SLC25A13: variants seen among roughly 807,000 people sequenced by gnomAD.
SLC25A13 encodes the protein electrogenic aspartate/glutamate antiporter SLC25A13, mitochondrial.
A neutral mutation model predicts 85.5 loss-of-function variants in SLC25A13; 70 were observed. The observed-to-expected ratio is 0.82, with a 90% CI of 0.68 to 1.00. The LOEUF is 1.00. Among genes scored for constraint, SLC25A13 ranks in the 50% least tolerant of loss-of-function variants. The probability of loss-of-function intolerance (pLI) is 0.00; values close to 1 mark genes in which losing one functional copy is unlikely to be tolerated. For missense variants in SLC25A13, 765 were observed against 819.8 expected (o/e 0.93, Z 0.82); for synonymous variants, 259 against 288.7 (o/e 0.90, Z 1.04).
intron 13 of SLC25A13, among the ~76,000 whole-genome samples, chr7:96,165,236 CA>C (rs1473169103): frequency 6.6e-6 from 1 of 152,046 alleles, no homozygotes; most frequent in African/African-American, 2.4e-5. Flanking sequence ...AGAACCATGG[CA>C]GCAGAAGAAG....
intron 5 of SLC25A13, among the ~76,000 whole-genome samples, chr7:96,203,208 C>T (rs937335510): frequency 6.6e-6 from 1 of 152,106 alleles, no homozygotes; most frequent in African/African-American, 2.4e-5. Flanking sequence ...CTAGTCCAGA[C>T]CAAAGTTTGC....
intron 1 of SLC25A13, among the ~76,000 whole-genome samples, chr7:96,299,462 A>AT (rs1799475206): frequency 1.3e-5 from 2 of 152,316 alleles, no homozygotes; most frequent in South Asian, 4.1e-4. Context: ...TACTGCCCTA[A>AT]TTTTACAGAA....
intron 2 of SLC25A13, among the ~76,000 whole-genome samples, chr7:96,288,669 T>C (rs1798990269): frequency 1.3e-5 from 2 of 152,156 alleles, no homozygotes; most frequent in South Asian, 2.1e-4. Flanking sequence ...GCCTCGCTCA[T>C]TGCTAGCAAA....
intron 2 of SLC25A13, among the ~76,000 whole-genome samples, chr7:96,280,473 T>C (rs537590162): frequency 6.6e-6 from 1 of 152,250 alleles, no homozygotes; most frequent in African/African-American, 2.4e-5. Flanking sequence ...CCCAGCACTT[T>C]GGGAAGCCAA....
intron 2 of SLC25A13, among the ~76,000 whole-genome samples, chr7:96,292,126 T>C (rs1459010152): frequency 6.6e-6 from 1 of 152,164 alleles, no homozygotes; most frequent in Non-Finnish European, 1.5e-5. Flanking sequence ...TGGTTCAACA[T>C]ACGCAAATCA....
chr7:96,262,770 C>G (rs1797906104), intron 3 of SLC25A13, among the ~76,000 whole-genome samples: 1 of 152,118 alleles, frequency 6.6e-6, no homozygotes, highest in South Asian at 2.1e-4. Context: ...CATGGTAGAG[C>G]AGATTGAGCA....
chr7:96,240,884 C>T (rs543456279), intron 3 of SLC25A13, among the ~76,000 whole-genome samples: 1 of 146,936 alleles, frequency 6.8e-6, no homozygotes, highest in East Asian at 2.0e-4. Flanking sequence ...TTTAATCTGA[C>T]AGAGGAGTGT....
chr7:96,226,390 A>T (rs151047560), intron 4 of SLC25A13, among the ~76,000 whole-genome samples: 439 of 152,252 alleles, frequency 2.9e-3, no homozygotes, highest in African/African-American at 9.8e-3. Context: ...TTCTTTACCC[A>T]TTCAGCTGTG....
intron 5 of SLC25A13, among the ~76,000 whole-genome samples, chr7:96,207,776 T>C (rs1251207766): frequency 2.0e-5 from 3 of 152,234 alleles, no homozygotes; most frequent in African/African-American, 4.8e-5. Flanking sequence ...AGTGGCCCAA[T>C]GATATGATCA....
rs1258837218 is a variant in SLC25A13 at position 96,120,660 on chromosome 7, A to G, written c.*531T>C. On this transcript the variant is annotated 3_prime_UTR_variant, in exon 18 of 18. Transcript: ENST00000265631. ...ATTACAAAGAAACATGTTTCACATA[A>G]AAGCTTCATAATATAATCCAGAGAC... 2.2e-6 allele frequency: 1 copy of G among 454,556 alleles called. No individual in the cohort carries two copies. Among genetic ancestry groups the G allele is most frequent in the East Asian group, 6.9e-5 (1 of 14,398 alleles). The allele number at this position is 454,556 out of a possible 1,614,324, so 28.2% of individuals were successfully genotyped here. A position where few individuals can be genotyped will look rare whatever the true frequency, so the allele number is the denominator to read the frequency against.
intron 14 of SLC25A13, 115 bp from the exon 15 acceptor site, chr7:96,131,996 C>T (rs1792053935): frequency 7.7e-7 from 1 of 1,304,740 alleles, no homozygotes; most frequent in Non-Finnish European, 1.1e-6. Context: ...CAAATTTGTA[C>T]TCACACATTG....
intron 3 of SLC25A13, among the ~76,000 whole-genome samples, chr7:96,242,338 T>C (rs1797028200): frequency 6.6e-6 from 1 of 152,220 alleles, no homozygotes; most frequent in East Asian, 1.9e-4. Context: ...TTTTAACATC[T>C]TTTAATAGCT....
At chr7:96,206,820 GGCCCA>G (rs1183786014) in intron 5 of SLC25A13, among the ~76,000 whole-genome samples, 1 of 152,182 alleles carries the variant, frequency 6.6e-6, no homozygotes, top group Non-Finnish European at 1.5e-5. Flanking sequence ...TCTGGAGGAA[GGCCCA>G]GAGGCTGCTG....
At chr7:96,167,265 AT>A (rs2116565126) in intron 13 of SLC25A13, among the ~76,000 whole-genome samples, 1 of 152,330 alleles carries the variant, frequency 6.6e-6, no homozygotes, top group South Asian at 2.1e-4. Context: ...ACAGAAGATT[AT>A]TTTTTCATCT....
rs766309615 is a variant in SLC25A13 at position 96,208,818 on chromosome 7, T to TA, written c.468+19_468+20insT. 1.1e-5 allele frequency: 18 copies of TA among 1,613,650 alleles called. No individual in the cohort carries two copies. In the African/African-American group the frequency reaches 1.5e-4, roughly 13 times the overall value. ...CCGTGCCCGGCCATACCCTTTTAACTTTTTAAGAGCTAGACCCACCAATAA... is the reference window on the plus strand; with the variant it reads ...CCGTGCCCGGCCATACCCTTTTAACTATTTTAAGAGCTAGACCCACCAATAA... On this transcript the variant is annotated intron_variant, in intron 5 of 17. Coordinates refer to ENST00000265631, the MANE Select transcript of SLC25A13 (RefSeq NM_014251.3).
chr7:96,130,732 T>TACTAATAC (rs1453953154), intron 15 of SLC25A13, among the ~76,000 whole-genome samples: 1 of 152,224 alleles, frequency 6.6e-6, no homozygotes, highest in Non-Finnish European at 1.5e-5. Flanking sequence ...TTGCTCTAGA[T>TACTAATAC]ACAGTGGTAT....
At chr7:96,311,308 C>T (rs547341461) in intron 1 of SLC25A13, among the ~76,000 whole-genome samples, 13 of 152,244 alleles carry the variant, frequency 8.5e-5, no homozygotes, top group East Asian at 5.8e-4. Flanking sequence ...GTACCCAGTA[C>T]CAAGTACCCA....
chr7:96,233,004 T>A (rs1266771094), intron 4 of SLC25A13, among the ~76,000 whole-genome samples: 1 of 152,264 alleles, frequency 6.6e-6, no homozygotes, highest in East Asian at 1.9e-4. Flanking sequence ...GGAAGTCTCC[T>A]ACGTCTTTCT....
intron 15 of SLC25A13, among the ~76,000 whole-genome samples, chr7:96,125,377 C>T (rs961516116): frequency 2.6e-5 from 4 of 152,212 alleles, no homozygotes; most frequent in African/African-American, 9.6e-5. Context: ...CAGGCATGAG[C>T]TACTGTGCTG....
Sources: allele counts gnomAD v4.1 joint callset (sites outside exome capture counted in the v4.1 genomes callset), GRCh38; gene constraint gnomAD v4.1.1; transcripts MANE v1.5; gene names NCBI Gene and HGNC (gene_info 2026-07-23, HGNC 2026-07-21).